RUFY2: variants seen among roughly 807,000 people sequenced by gnomAD.
RUFY2 encodes the protein RUN and FYVE domain containing 2.
In RUFY2, 49 loss-of-function variants were observed where a neutral mutation model predicts 94.4. The ratio of observed to expected loss-of-function variants is 0.52; its 90% CI spans 0.41 to 0.66. The LOEUF (loss-of-function observed/expected upper bound fraction) is 0.66, where lower values mean the gene tolerates loss of function less well. Ranked by LOEUF, RUFY2 falls within the 30% of genes least tolerant of loss-of-function variation. RUFY2 has a pLI of 0.00. For synonymous variants in RUFY2, 255 were observed against 235.7 expected (o/e 1.08, Z -0.75); for missense variants, 541 against 692.8 (o/e 0.78, Z 2.46).
chr10:68,351,509 G>A (rs1334742732), intron 16 of RUFY2, among the ~76,000 whole-genome samples: 1 of 144,144 alleles, frequency 6.9e-6, no homozygotes, highest in African/African-American at 2.6e-5. Context: ...GAGTGCAGTG[G>A]TGCAATCTCA....
chr10:68,355,296 T>G (rs1411839124), intron 16 of RUFY2, 57 bp downstream of exon 16: 2 of 1,223,542 alleles, frequency 1.6e-6, no homozygotes, highest in Admixed American at 1.7e-5. Context: ...CACAGGGCAT[T>G]ACCTTCCATT....
intron 7 of RUFY2, among the ~76,000 whole-genome samples, chr10:68,389,375 G>C (rs570833685): frequency 2.0e-5 from 3 of 150,188 alleles, no homozygotes; most frequent in Non-Finnish European, 4.4e-5. Context: ...GGTGGATCAC[G>C]AAGTCAGGAG....
chr10:68,359,065 C>T (rs1347529055), intron 15 of RUFY2, among the ~76,000 whole-genome samples: 1 of 151,732 alleles, frequency 6.6e-6, no homozygotes, highest in Non-Finnish European at 1.5e-5. Context: ...GGTTACAATC[C>T]CAATAACCAT....
chr10:68,405,084 G>A (rs2051166721), intron 1 of RUFY2, among the ~76,000 whole-genome samples: 2 of 152,118 alleles, frequency 1.3e-5, no homozygotes, highest in Non-Finnish European at 2.9e-5. Flanking sequence ...GGAGGCCAAG[G>A]CGGGTGGATC....
At chr10:68,362,877 C>G (rs2047549813) in intron 15 of RUFY2, among the ~76,000 whole-genome samples, 1 of 152,138 alleles carries the variant, frequency 6.6e-6, no homozygotes, top group Admixed American at 6.6e-5. Context: ...CAAAACCAAA[C>G]TGTATGAAGT....
chr10:68,404,527 A>G (rs1229367912), intron 2 of RUFY2, 144 bp downstream of exon 2: 1 of 450,934 alleles, frequency 2.2e-6, no homozygotes, highest in Non-Finnish European at 3.8e-6. Flanking sequence ...ACATAGTCAT[A>G]AGATATTTTC....
chr10:68,377,837 A>G (rs1035227632), intron 12 of RUFY2: 1 of 985,242 alleles, frequency 1.0e-6, no homozygotes, highest in African/African-American at 1.7e-5. Context: ...TCAACTAACT[A>G]AAAAACTCTT....
At chr10:68,405,546 G>A (rs776733526) in intron 1 of RUFY2, 2 of 729,626 alleles carry the variant, frequency 2.7e-6, no homozygotes, top group Non-Finnish European at 3.4e-6. Flanking sequence ...TAGATAGCAG[G>A]TACGGTCTTA....
intron 15 of RUFY2, among the ~76,000 whole-genome samples, chr10:68,358,352 G>A (rs1321534261): frequency 6.6e-6 from 1 of 152,110 alleles, no homozygotes; most frequent in African/African-American, 2.4e-5. Context: ...CCTATAAAAT[G>A]CTCTTCATTC....
chr10:68,393,096 A>G (rs750726720), intron 7 of RUFY2, 42 bp downstream of exon 7: 2 of 1,182,342 alleles, frequency 1.7e-6, no homozygotes, highest in Non-Finnish European at 2.4e-6. Flanking sequence ...ACAAAAACCT[A>G]AGACAATATT....
intron 7 of RUFY2, among the ~76,000 whole-genome samples, chr10:68,390,175 G>A (rs978549074): frequency 2.0e-5 from 3 of 151,898 alleles, no homozygotes; most frequent in Non-Finnish European, 2.9e-5. Flanking sequence ...TATTTCCTAC[G>A]ATTTCTATTA....
At chr10:68,393,264 AT>A in intron 6 of RUFY2, 61 bp from the exon 7 acceptor site, 1 of 763,446 alleles carries the variant, frequency 1.3e-6, no homozygotes, top group Non-Finnish European at 2.1e-6. Flanking sequence ...GCACAAAAAA[AT>A]CTAAATCATC....
chr10:68,375,918 T>C (rs553492161), intron 13 of RUFY2, among the ~76,000 whole-genome samples: 4 of 151,142 alleles, frequency 2.6e-5, no homozygotes, highest in Non-Finnish European at 5.9e-5. Flanking sequence ...GCCAACGTCA[T>C]GAAACTTTGT....
chr10:68,405,399 A>C, intron 1 of RUFY2: 1 of 878,186 alleles, frequency 1.1e-6, no homozygotes, highest in Non-Finnish European at 1.4e-6. Flanking sequence ...ATTATTCTCA[A>C]GATCCTGCAA....
chr10:68,347,027 G>A (rs1331022090), intron 16 of RUFY2, among the ~76,000 whole-genome samples: 3 of 152,102 alleles, frequency 2.0e-5, no homozygotes, highest in Non-Finnish European at 2.9e-5. Context: ...GCTGAGAAGG[G>A]AGAATCGCTT....
At chr10:68,363,054 G>A (rs1468489506) in intron 15 of RUFY2, among the ~76,000 whole-genome samples, 1 of 152,192 alleles carries the variant, frequency 6.6e-6, no homozygotes, top group Non-Finnish European at 1.5e-5. Context: ...TGAATAAATT[G>A]AACAAGAGTG....
At chr10:68,398,973 T>TA (rs1468718206) in intron 3 of RUFY2, among the ~76,000 whole-genome samples, 12 of 152,224 alleles carry the variant, frequency 7.9e-5, no homozygotes, top group Middle Eastern at 6.8e-3. Flanking sequence ...TCCTCTTTGT[T>TA]AAAAATCTTT....
intron 13 of RUFY2, among the ~76,000 whole-genome samples, chr10:68,370,020 G>A (rs1275128688): frequency 6.7e-6 from 1 of 149,936 alleles, no homozygotes; most frequent in African/African-American, 2.5e-5. Context: ...ACGGGGGCTC[G>A]TGCCTATAAT....
intron 6 of RUFY2, 170 bp downstream of exon 6, chr10:68,393,905 T>C (rs545440845): frequency 1.5e-6 from 2 of 1,358,270 alleles, no homozygotes; most frequent in East Asian, 3.7e-5. Context: ...CCTAAGTGAT[T>C]TTCCATAATC....
Sources: gnomAD v4.1 joint callset for allele counts (sites outside exome capture counted in the v4.1 genomes callset) on GRCh38, gnomAD v4.1.1 for gene constraint, MANE v1.5 for transcripts, NCBI Gene and HGNC (gene_info 2026-07-23, HGNC 2026-07-21) for gene names.